The following NBAS variants were observed in gnomAD, a reference collection of about 807,000 sequenced individuals.
NBAS encodes the protein NAG/BC035112 fusion.
A neutral mutation model predicts 302.5 loss-of-function variants in NBAS; 219 were observed. The ratio of observed to expected loss-of-function variants is 0.72; its 90% CI spans 0.65 to 0.81. The LOEUF (loss-of-function observed/expected upper bound fraction) is 0.81, where lower values mean the gene tolerates loss of function less well. Among genes scored for constraint, NBAS ranks in the 30% least tolerant of loss-of-function variants. NBAS has a pLI of 0.00. For synonymous variants in NBAS, 1,118 were observed against 1,021.6 expected (o/e 1.09, Z -1.80); for missense variants, 2,932 against 2,841.6 (o/e 1.03, Z -0.72).
At chr2:14,791,753 G>A in the NBAS span, among the ~76,000 whole-genome samples, 33 of 151,776 alleles carry the variant, frequency 2.2e-4, no homozygotes, top group South Asian at 6.7e-3. Flanking sequence ...GCAGTGAGCC[G>A]AGATTTCACC....
intron 48 of NBAS, among the ~76,000 whole-genome samples, chr2:15,210,063 G>C (rs1343988179): frequency 6.6e-6 from 1 of 152,076 alleles, no homozygotes; most frequent in Non-Finnish European, 1.5e-5. Flanking sequence ...CACTGGACTG[G>C]ACAAAGATTT....
intron 35 of NBAS, among the ~76,000 whole-genome samples, chr2:15,332,998 A>T (rs1227049595): frequency 1.3e-5 from 2 of 152,344 alleles, no homozygotes; most frequent in South Asian, 4.1e-4. Flanking sequence ...CTCTGCCCTC[A>T]AGGAGCTCAG....
chr2:15,062,989 T>C, the NBAS span, among the ~76,000 whole-genome samples: 1 of 152,278 alleles, frequency 6.6e-6, no homozygotes, highest in South Asian at 2.1e-4. Context: ...GACAGATGCA[T>C]CTAGCTATGG....
the NBAS span, among the ~76,000 whole-genome samples, chr2:14,969,440 G>A: frequency 6.6e-6 from 1 of 151,896 alleles, no homozygotes; most frequent in Non-Finnish European, 1.5e-5. Flanking sequence ...GGAGTGGTGC[G>A]ATCTCAGCTC....
rs528160196 is a variant in NBAS at position 15,257,400 on chromosome 2, C to CTT, written c.5724+18082_5724+18083dup. Among the ~76,000 whole-genome samples, 1,836 of 135,162 alleles carry CTT rather than the reference C, an allele frequency of 0.014. 83 individuals are homozygous for CTT. In the East Asian group the frequency reaches 0.15, roughly 11 times the overall value. The allele number at this position is 135,162 out of a possible 152,430, so 88.7% of individuals were successfully genotyped here. A position where few individuals can be genotyped will look rare whatever the true frequency, so the allele number is the denominator to read the frequency against. ...AGTTGTAACATCTCCCATTTAATTTCTTTTTTTTTTTTTTTTGAGTCTCTC... is the reference window on the plus strand; with the variant it reads ...AGTTGTAACATCTCCCATTTAATTTCTTTTTTTTTTTTTTTTTTGAGTCTCTC... On this transcript the variant is annotated intron_variant, in intron 44 of 51. Coordinates refer to ENST00000281513, the MANE Select transcript of NBAS (RefSeq NM_015909.4).
chr2:14,825,291 T>C, the NBAS span, among the ~76,000 whole-genome samples: 1 of 152,280 alleles, frequency 6.6e-6, no homozygotes, highest in Admixed American at 6.5e-5. Context: ...TGGAATAGAA[T>C]AGAATTTTGC....
chr2:14,811,769 A>C, the NBAS span, among the ~76,000 whole-genome samples: 35 of 152,336 alleles, frequency 2.3e-4, no homozygotes, highest in African/African-American at 6.7e-4. Flanking sequence ...GGAACCAGGA[A>C]TCTAGGAATG....
At chr2:15,283,372 T>C (rs1042597540) in intron 42 of NBAS, among the ~76,000 whole-genome samples, 1 of 152,104 alleles carries the variant, frequency 6.6e-6, no homozygotes, top group African/African-American at 2.4e-5. Context: ...CCACGTGTTG[T>C]GGGAGGAACC....
intron 11 of NBAS, among the ~76,000 whole-genome samples, chr2:15,492,757 G>C (rs917720980): frequency 6.6e-6 from 1 of 152,124 alleles, no homozygotes; most frequent in African/African-American, 2.4e-5. Context: ...CACTGCACCT[G>C]GTCCGTAGAA....
chr2:15,114,910 C>G, the NBAS span, among the ~76,000 whole-genome samples: 1 of 152,074 alleles, frequency 6.6e-6, no homozygotes. Context: ...ATGATAAATA[C>G]AAGAAGATAG....
chr2:15,261,507 T>C (rs1668851449), intron 44 of NBAS, among the ~76,000 whole-genome samples: 1 of 152,224 alleles, frequency 6.6e-6, no homozygotes, highest in South Asian at 2.1e-4. Context: ...CAATTGCTCA[T>C]ATAATAAAAG....
chr2:15,396,040 T>C (rs1675849513), intron 27 of NBAS, among the ~76,000 whole-genome samples: 1 of 152,104 alleles, frequency 6.6e-6, no homozygotes, highest in Non-Finnish European at 1.5e-5. Flanking sequence ...GATGCAATAA[T>C]TGCTGCAGGA....
intron 44 of NBAS, among the ~76,000 whole-genome samples, chr2:15,254,573 T>TA (rs1359802479): frequency 1.3e-5 from 2 of 152,186 alleles, no homozygotes; most frequent in Non-Finnish European, 2.9e-5. Flanking sequence ...TCAACAGTTT[T>TA]AGGGGAACAG....
At position 15,220,061 on chromosome 2, in the gene NBAS, C is replaced by T. The variant is rs1464930962; in HGVS notation, c.6237-1093G>A. ...CCCCCCACCTCCCTCCCGGACGGGGCGGCTGGCCGGGCGGGGGGCTGACCC... is the reference window on the plus strand; with the variant it reads ...CCCCCCACCTCCCTCCCGGACGGGGTGGCTGGCCGGGCGGGGGGCTGACCC... On this transcript the variant is annotated intron_variant, in intron 47 of 51. Transcript: ENST00000281513. Among the ~76,000 whole-genome samples the T allele has an allele frequency of 6.8e-5, 10 of 147,950 alleles. No individual in the cohort carries two copies. The South Asian group carries it at 1.5e-3, about 22-fold the overall frequency.
the NBAS span, among the ~76,000 whole-genome samples, chr2:14,935,015 T>C: frequency 6.6e-6 from 1 of 152,180 alleles, no homozygotes; most frequent in African/African-American, 2.4e-5. Flanking sequence ...ATCCAGGATA[T>C]ATATTTTTCT....
At chr2:14,783,496 G>A in the NBAS span, among the ~76,000 whole-genome samples, 5 of 116,044 alleles carry the variant, frequency 4.3e-5, no homozygotes, top group African/African-American at 1.6e-4. Context: ...ACAGTCCCCA[G>A]AGTGTGATGT....
At chr2:15,129,634 T>C in the NBAS span, among the ~76,000 whole-genome samples, 11 of 152,116 alleles carry the variant, frequency 7.2e-5, no homozygotes, top group Non-Finnish European at 1.6e-4. Context: ...TTCAAGCCCT[T>C]CCTTTTCTAA....
At chr2:14,845,662 C>T in the NBAS span, among the ~76,000 whole-genome samples, 25 of 151,856 alleles carry the variant, frequency 1.6e-4, no homozygotes, top group East Asian at 3.9e-4. Flanking sequence ...TTCAAGATAA[C>T]GCAAAGAAGA....
intron 9 of NBAS, among the ~76,000 whole-genome samples, chr2:15,519,617 A>T (rs1476816524): frequency 1.3e-5 from 2 of 151,690 alleles, no homozygotes; most frequent in African/African-American, 4.8e-5. Context: ...TTCTTTTTTT[A>T]AACTTTTGTA....
Sources: allele counts gnomAD v4.1 joint callset (sites outside exome capture counted in the v4.1 genomes callset), GRCh38; gene constraint gnomAD v4.1.1; transcripts MANE v1.5; gene names NCBI Gene and HGNC (gene_info 2026-07-23, HGNC 2026-07-21).